The following MYH10 variants were observed in gnomAD, a reference collection of about 807,000 sequenced individuals.
MYH10 encodes the protein myosin heavy chain 10, also known as myosin-10.
A neutral mutation model predicts 257.8 loss-of-function variants in MYH10; 55 were observed. The ratio of observed to expected loss-of-function variants is 0.21; its 90% CI spans 0.17 to 0.27. The LOEUF (loss-of-function observed/expected upper bound fraction) is 0.27. MYH10 is among the 10% of genes least tolerant of loss of function. The pLI is 1.00. For synonymous variants in MYH10, 854 were observed against 921.7 expected, an observed-to-expected ratio of 0.93 and a Z score of 1.33; for missense variants, 1,631 against 2,500.6, an observed-to-expected ratio of 0.65 and a Z score of 7.42.
At position 8,499,367 on chromosome 17, in the gene MYH10, C is replaced by T; in HGVS notation, c.3854G>A (p.Arg1285Lys). ...QQVKAESEHK[R>K]KKLDAQVQEL... ...CTGGACCTGCGCGTCGAGCTTCTTC[C>T]TCTTGTGCTCAGACTCAGCCTTGAC... Residue 1285 changes from arginine to lysine, a missense_variant, in exon 30 of 43, where the codon AGG (arginine) becomes AAG (lysine). Arg to Lys is a conservative substitution (Grantham distance 26). Transcript: ENST00000360416. 1 of 1,614,188 alleles carries T rather than the reference C, an allele frequency of 6.2e-7. No homozygotes were observed. The highest frequency in any genetic ancestry group is 8.5e-7 in the Non-Finnish European group (1 of 1,180,040).
At chr17:8,527,998 T>C (rs138187616) in intron 17 of MYH10, among the ~76,000 whole-genome samples, 2 of 152,338 alleles carry the variant, frequency 1.3e-5, no homozygotes, top group African/African-American at 2.4e-5. Flanking sequence ...GATCAATGGA[T>C]GTAATCTATA....
chr17:8,476,946 C>T lies in MYH10; in HGVS notation c.5809G>A (p.Glu1937Lys), dbSNP rs1912754584. Residue 1937 changes from glutamate (E) to lysine (K), a missense_variant, in exon 42 of 43, where the codon GAA becomes AAA. Coordinates refer to ENST00000360416, the MANE Select transcript of MYH10 (RefSeq NM_001256012.3). ...ANASRRKLQRELDDATEANEG... is the reference protein window; with the variant it reads ...ANASRRKLQRKLDDATEANEG... ...TTGGCCTCGGTGGCATCATCCAGTT[C>T]CCGCTGGAGTTTACGCCGAGATGCG... 3 of 1,613,884 alleles carry T rather than the reference C, an allele frequency of 1.9e-6. No individual in the cohort carries two copies. The highest frequency in any genetic ancestry group is 2.5e-6 in the Non-Finnish European group (3 of 1,180,040).
At chr17:8,495,088 T>C in intron 31 of MYH10, 49 bp downstream of exon 31, 1 of 1,131,146 alleles carries the variant, frequency 8.8e-7, no homozygotes, top group Non-Finnish European at 1.3e-6. Flanking sequence ...AGCTTATATA[T>C]TACAGAAATG....
At chr17:8,625,904 C>T (rs1314540740) in intron 1 of MYH10, among the ~76,000 whole-genome samples, 1 of 152,098 alleles carries the variant, frequency 6.6e-6, no homozygotes, top group Non-Finnish European at 1.5e-5. Flanking sequence ...CTGCTACCAG[C>T]AGGTATGTTA....
intron 12 of MYH10, 74 bp downstream of exon 12, chr17:8,546,470 T>C (rs912521195): frequency 2.5e-6 from 3 of 1,180,568 alleles, no homozygotes; most frequent in African/African-American, 1.5e-5. Context: ...GTTTGTTACA[T>C]GTCAATCAGA....
intron 1 of MYH10, among the ~76,000 whole-genome samples, chr17:8,630,091 C>G (rs1360417083): frequency 2.0e-5 from 3 of 152,170 alleles, no homozygotes; most frequent in African/African-American, 7.2e-5. Context: ...CTAACCCACC[C>G]AGCAACCCAC....
chr17:8,507,855 C>T (rs928053510), intron 26 of MYH10, among the ~76,000 whole-genome samples: 3 of 152,002 alleles, frequency 2.0e-5, no homozygotes, highest in Non-Finnish European at 2.9e-5. Flanking sequence ...GCCTGTAATC[C>T]CCGCTACTTG....
chr17:8,620,370 CTACA>C (rs1172007189), intron 2 of MYH10, among the ~76,000 whole-genome samples: 2 of 152,104 alleles, frequency 1.3e-5, no homozygotes, highest in Non-Finnish European at 2.9e-5. Flanking sequence ...AGACTAAATA[CTACA>C]TATAGAAACT....
intron 2 of MYH10, among the ~76,000 whole-genome samples, chr17:8,621,175 T>C (rs1334059587): frequency 6.6e-6 from 1 of 152,168 alleles, no homozygotes; most frequent in Non-Finnish European, 1.5e-5. Flanking sequence ...GATGGTGACA[T>C]CACATTTCCA....
rs138398401 is a variant in MYH10 at position 8,522,178 on chromosome 17, A to G, written c.1958-893T>C. On this transcript the variant is annotated intron_variant, in intron 17 of 42. Coordinates refer to ENST00000360416, the MANE Select transcript of MYH10 (RefSeq NM_001256012.3). ...AAAATCAATCAGAATTATCAACTGA[A>G]CTGCCCTTTTTAATGCCCTCCTCAA... Among the ~76,000 whole-genome samples, 793 of 152,366 alleles carry G rather than the reference A, an allele frequency of 5.2e-3. 4 individuals carry two copies. The highest frequency in any genetic ancestry group is 0.015 in the South Asian group (72 of 4,828).
intron 17 of MYH10, among the ~76,000 whole-genome samples, chr17:8,525,718 C>T (rs1283646310): frequency 6.6e-6 from 1 of 152,110 alleles, no homozygotes; most frequent in African/African-American, 2.4e-5. Flanking sequence ...TCCTGATTTT[C>T]AAATTTAATT....
chr17:8,530,967 G>A (rs1372367144), intron 16 of MYH10, among the ~76,000 whole-genome samples: 3 of 152,166 alleles, frequency 2.0e-5, no homozygotes, highest in Admixed American at 6.5e-5. Flanking sequence ...GTAAATGCAA[G>A]ATGACATTTA....
At chr17:8,518,499 T>A in intron 21 of MYH10, 132 bp downstream of exon 21, 1 of 895,562 alleles carries the variant, frequency 1.1e-6, no homozygotes, top group Non-Finnish European at 1.7e-6. Flanking sequence ...CCTGACTATC[T>A]CTGCCACTAT....
chr17:8,611,077 A>T (rs1486587225), intron 2 of MYH10, among the ~76,000 whole-genome samples: 1 of 152,240 alleles, frequency 6.6e-6, no homozygotes, highest in Non-Finnish European at 1.5e-5. Flanking sequence ...GCAGCACAAA[A>T]GTCTAAGAGA....
intron 7 of MYH10, among the ~76,000 whole-genome samples, chr17:8,562,384 A>T (rs944075018): frequency 6.6e-6 from 1 of 152,278 alleles, no homozygotes; most frequent in African/African-American, 2.4e-5. Context: ...ATATCTGTTA[A>T]AAGTTAAAAA....
At chr17:8,482,343 G>A (rs1305769710) in intron 37 of MYH10, among the ~76,000 whole-genome samples, 1 of 152,220 alleles carries the variant, frequency 6.6e-6, no homozygotes, top group South Asian at 2.1e-4. Context: ...GCTCCAGCAC[G>A]TGCACCTGCC....
chr17:8,610,979 G>T (rs2085016575), intron 2 of MYH10, among the ~76,000 whole-genome samples: 1 of 152,178 alleles, frequency 6.6e-6, no homozygotes, highest in Non-Finnish European at 1.5e-5. Flanking sequence ...AATATTTGAT[G>T]ATTAGAGAAT....
At chr17:8,600,046 T>A (rs915371983) in intron 3 of MYH10, among the ~76,000 whole-genome samples, 1 of 152,132 alleles carries the variant, frequency 6.6e-6, no homozygotes, top group African/African-American at 2.4e-5. Flanking sequence ...CAAGGTAGGA[T>A]TAGCAAGAGT....
At chr17:8,514,235 AGAAGGGCCC>A (rs2081391464) in intron 21 of MYH10, among the ~76,000 whole-genome samples, 1 of 152,212 alleles carries the variant, frequency 6.6e-6, no homozygotes, top group Non-Finnish European at 1.5e-5. Flanking sequence ...GACTGTAGAC[AGAAGGGCCC>A]GTTTTCTCTG....
Sources: gnomAD v4.1 joint callset for allele counts (sites outside exome capture counted in the v4.1 genomes callset) on GRCh38, gnomAD v4.1.1 for gene constraint, MANE v1.5 for transcripts, NCBI Gene and HGNC (gene_info 2026-07-23, HGNC 2026-07-21) for gene names.